The following GNAO1 variants were observed in gnomAD, a reference collection of about 807,000 sequenced individuals.
The protein encoded by GNAO1 is G protein subunit alpha o1.
For missense variants in GNAO1, 166 were observed against 478.7 expected (o/e 0.35, Z 6.10); for synonymous variants, 164 against 180.7 (o/e 0.91, Z 0.74).
intron 2 of GNAO1, among the ~76,000 whole-genome samples, chr16:56,274,004 C>T (rs1392168126): frequency 6.6e-6 from 1 of 152,266 alleles, no homozygotes; most frequent in East Asian, 1.9e-4. Context: ...CTCTCTGAAG[C>T]ATCTGAAGTG....
chr16:56,202,464 T>A (rs2036289527), intron 2 of GNAO1, among the ~76,000 whole-genome samples: 1 of 152,232 alleles, frequency 6.6e-6, no homozygotes, highest in Non-Finnish European at 1.5e-5. Flanking sequence ...GCTTTTATTG[T>A]TCATTTCTAC....
intron 5 of GNAO1, chr16:56,336,217 TC>T (rs1408934708): frequency 6.4e-6 from 1 of 156,228 alleles, no homozygotes; most frequent in Non-Finnish European, 1.4e-5. Context: ...GCCAGCTTTG[TC>T]CACAGCCAGA....
At chr16:56,267,205 T>C (rs1476623823) in intron 2 of GNAO1, among the ~76,000 whole-genome samples, 1 of 152,194 alleles carries the variant, frequency 6.6e-6, no homozygotes, top group African/African-American at 2.4e-5. Context: ...GTGCCTGCCC[T>C]CTGCTGAGCC....
intron 3 of GNAO1, chr16:56,276,638 TC>T (rs1400225733): frequency 6.5e-6 from 1 of 152,938 alleles, no homozygotes; most frequent in Non-Finnish European, 1.5e-5. Context: ...TTTCCAGTCT[TC>T]TATTAAGTGG....
intron 2 of GNAO1, among the ~76,000 whole-genome samples, chr16:56,272,177 C>T (rs1244440963): frequency 1.3e-5 from 2 of 152,014 alleles, no homozygotes; most frequent in Admixed American, 6.6e-5. Context: ...GGCATGGTGG[C>T]GGGCGCCTGT....
rs558243058 is a variant in GNAO1, at chr16:56,326,841, G to A, written c.304-1790G>A. On this transcript the variant is annotated intron_variant, in intron 3 of 8. Coordinates refer to ENST00000262493, the MANE Select transcript of GNAO1 (RefSeq NM_020988.3). This position sits in a 1 kb window ranked among gnomAD's most constrained non-coding sequence, Gnocchi z 4.8. ...ATTAAAGGCTGTGGCTGCCTCAGAC[G>A]GAGCACATATCTTCCTGGGCAAGGC... Among the ~76,000 whole-genome samples the A allele has an allele frequency of 4.6e-5, 7 of 152,316 alleles. No individual in the cohort carries two copies. Among genetic ancestry groups the A allele is most frequent in the South Asian group, 2.1e-4 (1 of 4,826 alleles).
At chr16:56,198,189 A>G (rs2036250944) in intron 2 of GNAO1, among the ~76,000 whole-genome samples, 1 of 152,260 alleles carries the variant, frequency 6.6e-6, no homozygotes. Flanking sequence ...TACAAATGGC[A>G]GATGTTGAGA....
intron 2 of GNAO1, among the ~76,000 whole-genome samples, chr16:56,240,453 T>C (rs967954247): frequency 6.6e-6 from 1 of 152,160 alleles, no homozygotes; most frequent in Non-Finnish European, 1.5e-5. Context: ...TTCAACCACT[T>C]TCCTAGAACT....
intron 4 of GNAO1, among the ~76,000 whole-genome samples, chr16:56,333,128 G>A (rs1273493538): frequency 5.9e-5 from 9 of 152,146 alleles, no homozygotes; most frequent in Non-Finnish European, 1.3e-4. Context: ...TTAAAATGCT[G>A]ATGATGTCCA....
intron 2 of GNAO1, among the ~76,000 whole-genome samples, chr16:56,208,468 T>C (rs2036353746): frequency 2.0e-5 from 3 of 152,032 alleles, no homozygotes; most frequent in Admixed American, 1.3e-4. Flanking sequence ...CGCACGTGTG[T>C]GTGTGTGTAT....
At chr16:56,308,796 C>T (rs375326321) in intron 3 of GNAO1, among the ~76,000 whole-genome samples, 196 of 152,056 alleles carry the variant, frequency 1.3e-3, no homozygotes, top group African/African-American at 4.3e-3. Context: ...GAGGGCACTG[C>T]GAGCCCTCAT....
chr16:56,276,845 C>T (rs1349727013), intron 3 of GNAO1: 3 of 152,130 alleles, frequency 2.0e-5, no homozygotes, highest in African/African-American at 7.2e-5. Flanking sequence ...CAGTGATCCT[C>T]CCTCTGGGAC....
chr16:56,262,774 G>A (rs1234377483), intron 2 of GNAO1, among the ~76,000 whole-genome samples: 3 of 152,186 alleles, frequency 2.0e-5, no homozygotes, highest in Non-Finnish European at 4.4e-5. Flanking sequence ...GACCAGAAAT[G>A]TTACTTAGAT....
chr16:56,192,660 A>G, intron 2 of GNAO1, 44 bp downstream of exon 2: 1 of 1,270,302 alleles, frequency 7.9e-7, no homozygotes, highest in Non-Finnish European at 1.2e-6. Flanking sequence ...ATTAAGAATA[A>G]TTTTTAAATC....
intron 3 of GNAO1, chr16:56,307,741 A>G (rs1414685658): frequency 1.3e-5 from 2 of 152,244 alleles, no homozygotes; most frequent in African/African-American, 4.8e-5. Flanking sequence ...TGGAGACACC[A>G]TGGTGTCTGT....
intron 6 of GNAO1, chr16:56,344,524 C>T: frequency 1.0e-6 from 1 of 988,362 alleles, no homozygotes; most frequent in South Asian, 4.7e-5. Context: ...CTCAGCCCTT[C>T]CTTCTCTGGG....
chr16:56,210,012 T>C (rs2036372161), intron 2 of GNAO1, among the ~76,000 whole-genome samples: 1 of 152,174 alleles, frequency 6.6e-6, no homozygotes, highest in Non-Finnish European at 1.5e-5. Flanking sequence ...TACAGAGTAT[T>C]TTCACTGCCT....
chr16:56,250,949 A>C (rs1051285824), intron 2 of GNAO1, among the ~76,000 whole-genome samples: 3 of 152,224 alleles, frequency 2.0e-5, no homozygotes, highest in Non-Finnish European at 4.4e-5. Flanking sequence ...AGAGCTGGGG[A>C]GAAGTGGCTC....
intron 2 of GNAO1, among the ~76,000 whole-genome samples, chr16:56,233,611 T>G (rs1287354947): frequency 1.3e-5 from 2 of 152,224 alleles, no homozygotes; most frequent in African/African-American, 4.8e-5. Flanking sequence ...TCTGAATGTT[T>G]CAGGCCTCAA....
Sources: gnomAD v4.1 joint callset for allele counts (sites outside exome capture counted in the v4.1 genomes callset) on GRCh38, gnomAD v4.1.1 for gene constraint, Gnocchi (gnomAD v3.1) non-coding constraint, MANE v1.5 for transcripts, NCBI Gene and HGNC (gene_info 2026-07-23, HGNC 2026-07-21) for gene names.